Variants in JPH3 observed in about 807,000 individuals in gnomAD.
JPH3 encodes the protein junctophilin 3.
A neutral mutation model predicts 59.6 loss-of-function variants in JPH3; 11 were observed. The ratio of observed to expected loss-of-function variants is 0.18; its 90% CI spans 0.12 to 0.31. The LOEUF (loss-of-function observed/expected upper bound fraction) is 0.31. Ranked by LOEUF, JPH3 falls within the 10% of genes least tolerant of loss-of-function variation. JPH3 has a pLI of 1.00. For missense variants in JPH3, 1,202 were observed against 1,105.7 expected, an observed-to-expected ratio of 1.09 and a Z score of -1.24; for synonymous variants, 673 against 483.6, an observed-to-expected ratio of 1.39 and a Z score of -5.14.
At chr16:87,668,219 C>T (rs896999282) in intron 2 of JPH3, among the ~76,000 whole-genome samples, 4 of 152,184 alleles carry the variant, frequency 2.6e-5, no homozygotes, top group East Asian at 1.9e-4. Flanking sequence ...ACCAGCCCTG[C>T]GCGGCTGCTG....
Position 87,611,481 on chromosome 16 carries a change from C to A in JPH3, c.382+7953C>A, listed in dbSNP as rs1263666710. On this transcript the variant is annotated intron_variant, in intron 1 of 4. Coordinates refer to ENST00000284262, the MANE Select transcript of JPH3 (RefSeq NM_020655.4). The surrounding 1 kb of genome is among the most constrained non-coding windows in gnomAD (Gnocchi z 4.5). ...TATGATTTAGTCATGACATTTTTTT[C>A]CTTCTCAACATGTGCCATCTCCCTC... 3.3e-5 allele frequency among the ~76,000 whole-genome samples: 5 copies of A among 152,104 alleles called. No homozygotes were observed. The highest frequency in any genetic ancestry group is 1.2e-4 in the African/African-American group (5 of 41,420).
intron 3 of JPH3, among the ~76,000 whole-genome samples, chr16:87,688,445 C>G (rs1051298449): frequency 1.5e-5 from 2 of 133,140 alleles, no homozygotes; most frequent in African/African-American, 8.3e-5. Flanking sequence ...GCCATGTCTC[C>G]CAGACCTTCT....
intron 1 of JPH3, among the ~76,000 whole-genome samples, chr16:87,628,251 G>C (rs752493951): frequency 1.3e-5 from 2 of 152,388 alleles, no homozygotes; most frequent in East Asian, 3.9e-4. Context: ...TGGCATGGGC[G>C]GGTCAGAAGG....
intron 2 of JPH3, among the ~76,000 whole-genome samples, chr16:87,664,163 C>T (rs527536034): frequency 3.1e-4 from 47 of 151,970 alleles, no homozygotes; most frequent in Non-Finnish European, 5.3e-4. Context: ...AACCTCGTCT[C>T]TACTAAAAAT....
intron 3 of JPH3, among the ~76,000 whole-genome samples, chr16:87,688,763 G>A (rs1344661877): frequency 6.6e-6 from 1 of 152,152 alleles, no homozygotes; most frequent in Non-Finnish European, 1.5e-5. Context: ...TGAGATGAAC[G>A]TGTAACTGTT....
At chr16:87,695,541 G>A (rs1468872676) in intron 4 of JPH3, 1 of 454,686 alleles carries the variant, frequency 2.2e-6, no homozygotes, top group Admixed American at 2.4e-5. Flanking sequence ...GTGGGGGTGG[G>A]GAGAGGCAGG....
chr16:87,620,016 G>A (rs1468763553), intron 1 of JPH3, among the ~76,000 whole-genome samples: 10 of 152,146 alleles, frequency 6.6e-5, no homozygotes, highest in South Asian at 2.1e-4. Flanking sequence ...GCCCTCACAC[G>A]TCACCCTTGG....
At chr16:87,636,929 G>A (rs2031769904) in intron 1 of JPH3, among the ~76,000 whole-genome samples, 1 of 152,148 alleles carries the variant, frequency 6.6e-6, no homozygotes, top group African/African-American at 2.4e-5. Context: ...GCGCAGTGGG[G>A]CCTGGACGCG....
In JPH3 at chr16:87,690,269, C is replaced by T. The variant is rs764871450; in HGVS notation, c.1909C>T (p.Arg637Trp). 1.7e-5 allele frequency: 27 copies of T among 1,602,006 alleles called. No individual in the cohort carries two copies. Among genetic ancestry groups the T allele is most frequent in the South Asian group, 5.6e-5 (5 of 89,336 alleles). Reference sequence around the variant, plus strand: ...ACGCTACAGCAAGGGCGGCGCCTGCCGGGGCTTGGGGGACGACCACCGCCC... The same window carrying T: ...ACGCTACAGCAAGGGCGGCGCCTGCTGGGGCTTGGGGGACGACCACCGCCC... ...KRRYSKGGAC[R>W]GLGDDHRPED... Residue 637 changes from arginine to tryptophan, a missense_variant, in exon 4 of 5, where the codon CGG (arginine) becomes TGG (tryptophan). Physicochemically the swap from Arg to Trp is moderately radical, Grantham distance 101 (BLOSUM62 -3). Coordinates refer to ENST00000284262, the MANE Select transcript of JPH3 (RefSeq NM_020655.4).
intron 2 of JPH3, among the ~76,000 whole-genome samples, chr16:87,683,219 C>T (rs914166309): frequency 1.1e-4 from 17 of 152,198 alleles, no homozygotes; most frequent in African/African-American, 4.1e-4. Context: ...CACAGCACAG[C>T]GGGCCGGCAC....
At chr16:87,604,635 C>T (rs1436843535) in intron 1 of JPH3, 1 of 1,184,962 alleles carries the variant, frequency 8.4e-7, no homozygotes, top group Non-Finnish European at 1.1e-6. Context: ...CGTACGTGTG[C>T]TCTAGTCCTC....
intron 1 of JPH3, among the ~76,000 whole-genome samples, chr16:87,617,120 G>A (rs1156259389): frequency 1.3e-5 from 2 of 152,306 alleles, no homozygotes; most frequent in South Asian, 2.1e-4. Flanking sequence ...GCTACTCGGA[G>A]GCTGAGGCAG....
rs185351564 is a variant in JPH3, at chr16:87,633,638, A to G, written c.383-10620A>G. 6.2e-4 allele frequency among the ~76,000 whole-genome samples: 94 copies of G among 152,114 alleles called. 1 individual carries two copies. In the East Asian group the frequency reaches 0.012, roughly 20 times the overall value. On this transcript the variant is annotated intron_variant, in intron 1 of 4. Coordinates refer to ENST00000284262, the MANE Select transcript of JPH3 (RefSeq NM_020655.4). ...ACATGGTGAAACCCTGTCTCTAGTA[A>G]AAATACAAAGATTAGCTGGGTGTGG...
At chr16:87,640,091 G>T (rs776126422) in intron 1 of JPH3, among the ~76,000 whole-genome samples, 1 of 152,194 alleles carries the variant, frequency 6.6e-6, no homozygotes, top group Non-Finnish European at 1.5e-5. Context: ...CACTTTGGGA[G>T]GTTGAGGTGG....
At chr16:87,662,282 C>T (rs547245594) in intron 2 of JPH3, among the ~76,000 whole-genome samples, 13 of 152,214 alleles carry the variant, frequency 8.5e-5, no homozygotes, top group Admixed American at 3.3e-4. Flanking sequence ...TGTGAGGAAC[C>T]CGGTGTACTC....
At chr16:87,639,206 C>T (rs1453637347) in intron 1 of JPH3, among the ~76,000 whole-genome samples, 7 of 152,170 alleles carry the variant, frequency 4.6e-5, no homozygotes, top group African/African-American at 7.2e-5. Context: ...TCTGCACAGC[C>T]GCCCTCCCCT....
At chr16:87,660,448 G>A (rs1304166890) in intron 2 of JPH3, among the ~76,000 whole-genome samples, 1 of 152,160 alleles carries the variant, frequency 6.6e-6, no homozygotes, top group Non-Finnish European at 1.5e-5. Context: ...TCCCCAAGTG[G>A]CCAAGCTAAT....
chr16:87,642,083 A>G (rs1320022434), intron 1 of JPH3, among the ~76,000 whole-genome samples: 1 of 151,986 alleles, frequency 6.6e-6, no homozygotes, highest in Admixed American at 6.5e-5. Flanking sequence ...AAAGCCTGGA[A>G]GGATCAGGAC....
At chr16:87,670,320 G>A (rs752978279) in intron 2 of JPH3, among the ~76,000 whole-genome samples, 60 of 152,296 alleles carry the variant, frequency 3.9e-4, no homozygotes, top group Non-Finnish European at 8.2e-4. Flanking sequence ...CAGGGTCCTG[G>A]GAGAAGCAAA....
Sources: gnomAD v4.1 joint callset for allele counts (sites outside exome capture counted in the v4.1 genomes callset) on GRCh38, gnomAD v4.1.1 for gene constraint, Gnocchi (gnomAD v3.1) non-coding constraint, MANE v1.5 for transcripts, NCBI Gene and HGNC (gene_info 2026-07-23, HGNC 2026-07-21) for gene names.